Variants in MVB12B observed in about 807,000 individuals in gnomAD.
MVB12B encodes the protein ESCRT-I complex subunit MVB12B.
Under a neutral mutation model 41.6 loss-of-function variants are expected in MVB12B, and 16 were observed. The observed-to-expected ratio is 0.38, with a 90% confidence interval of 0.26 to 0.58. The LOEUF is 0.58. Ranked by LOEUF, MVB12B falls within the 20% of genes least tolerant of loss-of-function variation. The pLI is 0.62. For missense variants in MVB12B, 274 were observed against 380.2 expected (o/e 0.72, Z 2.32); for synonymous variants, 133 against 139.7 (o/e 0.95, Z 0.34).
rs562886285 is a variant in MVB12B, at chr9:126,478,633, C to G, written c.758-2736C>G. Among the ~76,000 whole-genome samples the G allele has an allele frequency of 6.6e-6, 1 of 152,152 alleles. No homozygotes were observed. Among genetic ancestry groups the G allele is most frequent in the Non-Finnish European group, 1.5e-5 (1 of 68,010 alleles). ...GTCAGGTGCAAGGGGCCAGGGCCTT[C>G]AATGCCAGTCGAGACCCCCATCTTG... On this transcript the variant is annotated intron_variant, in intron 7 of 9. Coordinates refer to ENST00000361171, the MANE Select transcript of MVB12B (RefSeq NM_033446.3). This position sits in a 1 kb window ranked among gnomAD's most constrained non-coding sequence, Gnocchi z 4.2.
chr9:126,438,857 C>T (rs1054615023), intron 7 of MVB12B, among the ~76,000 whole-genome samples: 10 of 152,146 alleles, frequency 6.6e-5, no homozygotes, highest in Non-Finnish European at 1.3e-4. Context: ...CATATTAAGT[C>T]TTATCAGGAC....
intron 9 of MVB12B, among the ~76,000 whole-genome samples, chr9:126,502,287 G>A (rs921583530): frequency 2.6e-5 from 4 of 152,110 alleles, no homozygotes; most frequent in Non-Finnish European, 4.4e-5. Flanking sequence ...TCTGTGGCTG[G>A]GGTGCCCCGT....
intron 1 of MVB12B, among the ~76,000 whole-genome samples, chr9:126,330,010 G>A (rs988826370): frequency 6.6e-6 from 1 of 151,250 alleles, no homozygotes; most frequent in African/African-American, 2.4e-5. Context: ...ACTAGTTGCA[G>A]TGGGTTTGCC....
chr9:126,440,319 A>G lies in MVB12B; in HGVS notation c.757+18371A>G, dbSNP rs183563237. On this transcript the variant is annotated intron_variant, in intron 7 of 9. Coordinates refer to ENST00000361171, the MANE Select transcript of MVB12B (RefSeq NM_033446.3). ...CTCCAAGGTTATTTGAGAGGCGCTG[A>G]TAGCCTTGGCGGTGGCACTGGGGCC... is the stretch of plus-strand genomic sequence containing the variant. Among the ~76,000 whole-genome samples the G allele has an allele frequency of 7.2e-5, 11 of 152,330 alleles. 1 individual carries two copies. The East Asian group carries it at 1.9e-3, about 27-fold the overall frequency.
At chr9:126,412,921 G>T (rs1446870398) in intron 6 of MVB12B, among the ~76,000 whole-genome samples, 1 of 152,082 alleles carries the variant, frequency 6.6e-6, no homozygotes, top group African/African-American at 2.4e-5. Context: ...AAAATCTCTG[G>T]CTCTCTTCAT....
chr9:126,334,753 G>T (rs1829229197), intron 1 of MVB12B, among the ~76,000 whole-genome samples: 1 of 152,188 alleles, frequency 6.6e-6, no homozygotes, highest in African/African-American at 2.4e-5. Flanking sequence ...GGGCAAGCAG[G>T]TGGTACCCAC....
At position 126,504,988 on chromosome 9, in the gene MVB12B, T is replaced by TGCCGTGGCTCCTCGG. The variant is rs1182898764; in HGVS notation, c.*1727_*1741dup. On this transcript the variant is annotated 3_prime_UTR_variant, in exon 10 of 10. Coordinates refer to ENST00000361171, the MANE Select transcript of MVB12B (RefSeq NM_033446.3). ...GGCACCCACAGGGGGCACCTATGTC[T>TGCCGTGGCTCCTCGG]GCCGTGGCTCCTCGGGTGGTGCCCT... The TGCCGTGGCTCCTCGG allele has an allele frequency of 6.6e-6, 1 of 152,230 alleles. No homozygotes were observed. The highest frequency in any genetic ancestry group is 2.4e-5 in the African/African-American group (1 of 41,438). 9.4% of individuals were successfully genotyped at this position (152,230 alleles called of 1,614,324 possible).
rs563623224 is a variant in MVB12B at position 126,428,962 on chromosome 9, G to A, written c.757+7014G>A. Among the ~76,000 whole-genome samples the A allele has an allele frequency of 3.9e-5, 6 of 152,218 alleles. No individual in the cohort carries two copies. In the East Asian group the frequency reaches 1.2e-3, roughly 29 times the overall value. ...TCCCTGAGGTTCTTCGCTCCACAGA[G>A]GATTTTCGTAATCACCGACAACTGG... On this transcript the variant is annotated intron_variant, in intron 7 of 9. Coordinates refer to ENST00000361171, the MANE Select transcript of MVB12B (RefSeq NM_033446.3).
chr9:126,355,456 C>T (rs1437888128), intron 2 of MVB12B, among the ~76,000 whole-genome samples: 1 of 152,250 alleles, frequency 6.6e-6, no homozygotes, highest in Non-Finnish European at 1.5e-5. Flanking sequence ...AGTCATACCA[C>T]TAACAGCAAA....
intron 9 of MVB12B, among the ~76,000 whole-genome samples, chr9:126,497,398 C>A (rs571925583): frequency 1.3e-5 from 2 of 152,252 alleles, no homozygotes; most frequent in East Asian, 1.9e-4. Flanking sequence ...TCTGCCCACG[C>A]CCCGCAGTGT....
intron 6 of MVB12B, among the ~76,000 whole-genome samples, chr9:126,411,044 C>T (rs112463403): frequency 5.9e-5 from 9 of 152,194 alleles, no homozygotes; most frequent in African/African-American, 2.2e-4. Flanking sequence ...CACGCCACCA[C>T]GCCCGGCTAA....
intron 7 of MVB12B, among the ~76,000 whole-genome samples, chr9:126,440,889 ACTAG>A (rs1832618632): frequency 6.6e-6 from 1 of 152,276 alleles, no homozygotes; most frequent in South Asian, 2.1e-4. Flanking sequence ...GAAAGCCATA[ACTAG>A]CTAATAACAG....
rs543718855 is a variant in MVB12B, at chr9:126,371,551, G to A, written c.205-9513G>A. Reference sequence around the variant, plus strand: ...AACCTCAGGAAGCCATCCCCTCTGTGCCTGGCATGGCTAAGGCACCTGTGC... The same window carrying A: ...AACCTCAGGAAGCCATCCCCTCTGTACCTGGCATGGCTAAGGCACCTGTGC... On this transcript the variant is annotated intron_variant, in intron 2 of 9. Coordinates refer to ENST00000361171, the MANE Select transcript of MVB12B (RefSeq NM_033446.3). Among the ~76,000 whole-genome samples the A allele has an allele frequency of 5.3e-5, 8 of 152,284 alleles. No individual in the cohort carries two copies. The East Asian group carries it at 1.2e-3, about 22-fold the overall frequency.
At chr9:126,418,918 T>C (rs935925228) in intron 6 of MVB12B, among the ~76,000 whole-genome samples, 1 of 152,206 alleles carries the variant, frequency 6.6e-6, no homozygotes, top group African/African-American at 2.4e-5. Context: ...TGTAAGCAAG[T>C]GTTCAGGTAA....
chr9:126,361,015 C>T (rs1830015179), intron 2 of MVB12B, among the ~76,000 whole-genome samples: 1 of 152,124 alleles, frequency 6.6e-6, no homozygotes, highest in Non-Finnish European at 1.5e-5. Context: ...TCTAGTCTGA[C>T]AATTTCTTCC....
At chr9:126,371,970 G>C (rs1489219035) in intron 2 of MVB12B, among the ~76,000 whole-genome samples, 1 of 152,064 alleles carries the variant, frequency 6.6e-6, no homozygotes, top group Admixed American at 6.6e-5. Context: ...AACTATCACT[G>C]CCACCTAATT....
intron 2 of MVB12B, among the ~76,000 whole-genome samples, chr9:126,351,614 A>G (rs916450589): frequency 1.3e-5 from 2 of 149,076 alleles, no homozygotes; most frequent in Non-Finnish European, 3.0e-5. Context: ...TCAGCCCCCA[A>G]AGTAGCTGCG....
chr9:126,335,489 C>T (rs1381973426), intron 1 of MVB12B: 3 of 1,010,196 alleles, frequency 3.0e-6, no homozygotes, highest in African/African-American at 3.3e-5. Context: ...CACAGGTTCC[C>T]TCCTTGGGGA....
chr9:126,363,772 C>T (rs1269445262), intron 2 of MVB12B, among the ~76,000 whole-genome samples: 2 of 152,206 alleles, frequency 1.3e-5, no homozygotes, highest in African/African-American at 4.8e-5. Context: ...CCCCCACTCA[C>T]AGTTCCTCAG....
Sources: allele counts gnomAD v4.1 joint callset (sites outside exome capture counted in the v4.1 genomes callset), GRCh38; gene constraint gnomAD v4.1.1; non-coding constraint Gnocchi (gnomAD v3.1); transcripts MANE v1.5; gene names NCBI Gene and HGNC (gene_info 2026-07-23, HGNC 2026-07-21).